The following NAALADL2 variants were observed in gnomAD, a reference collection of about 807,000 sequenced individuals.
NAALADL2 encodes N-acetylated alpha-linked acidic dipeptidase like 2.
Under a neutral mutation model 87.2 loss-of-function variants are expected in NAALADL2, and 76 were observed. The observed-to-expected ratio is 0.87, with a 90% CI of 0.72 to 1.05. NAALADL2 has a LOEUF of 1.05. Among genes scored for constraint, NAALADL2 ranks in the 50% least tolerant of loss-of-function variants. The pLI, the probability that NAALADL2 is intolerant of heterozygous loss-of-function variation, is 0.00. For synonymous variants in NAALADL2, 354 were observed against 331.0 expected, an observed-to-expected ratio of 1.07 and a Z score of -0.75; for missense variants, 1,089 against 945.8, an observed-to-expected ratio of 1.15 and a Z score of -1.99.
rs546579294 is a variant in NAALADL2 at position 175,436,074 on chromosome 3, C to T, written c.1091-11155C>T. ...GTCCATGTGATCTCATTGTTCAATT[C>T]CCACCTATGAGTGAGAATATGCGGT... is the stretch of plus-strand genomic sequence containing the variant. On this transcript the variant is annotated intron_variant, in intron 5 of 13. Transcript: ENST00000454872. 5.7e-5 allele frequency among the ~76,000 whole-genome samples: 8 copies of T among 140,318 alleles called. No individual in the cohort carries two copies. The South Asian group carries it at 1.6e-3, about 29-fold the overall frequency. The allele number at this position is 140,318 out of a possible 152,430, so 92.1% of individuals were successfully genotyped here. A position where few individuals can be genotyped will look rare whatever the true frequency, so the allele number is the denominator to read the frequency against.
At chr3:174,568,087 C>A (rs1236017408) in intron 2 of NAALADL2, among the ~76,000 whole-genome samples, 1 of 151,600 alleles carries the variant, frequency 6.6e-6, no homozygotes, top group Non-Finnish European at 1.5e-5. Context: ...GTATTCATGT[C>A]GTTTGTGAGC....
intron 1 of NAALADL2, chr3:175,059,636 T>C: frequency 2.8e-6 from 1 of 363,102 alleles, no homozygotes; most frequent in South Asian, 2.6e-5. Context: ...TGCATGTTTT[T>C]TGGCTTTCTT....
At chr3:175,079,404 T>C (rs1211053909) in intron 1 of NAALADL2, 1 of 152,244 alleles carries the variant, frequency 6.6e-6, no homozygotes, top group East Asian at 1.9e-4. Context: ...TTATGTTCTC[T>C]GAAGCACAAA....
chr3:174,692,667 G>C (rs1458249976), intron 2 of NAALADL2, among the ~76,000 whole-genome samples: 1 of 151,896 alleles, frequency 6.6e-6, no homozygotes, highest in Non-Finnish European at 1.5e-5. Context: ...TCTATACTAG[G>C]ACAAATTACT....
At chr3:175,300,783 A>ATTTAT (rs202232185) in intron 4 of NAALADL2, among the ~76,000 whole-genome samples, 4 of 140,128 alleles carry the variant, frequency 2.9e-5, no homozygotes, top group Admixed American at 7.0e-5. Context: ...TTATTTATTT[A>ATTTAT]TTTATTTTAT....
chr3:174,577,835 T>G (rs1269059372), intron 2 of NAALADL2, among the ~76,000 whole-genome samples: 4 of 151,994 alleles, frequency 2.6e-5, no homozygotes, highest in African/African-American at 9.7e-5. Context: ...TGAAACTATC[T>G]GACAAGAACA....
At chr3:175,042,706 A>G (rs1264243974) in intron 1 of NAALADL2, among the ~76,000 whole-genome samples, 1 of 152,112 alleles carries the variant, frequency 6.6e-6, no homozygotes, top group African/African-American at 2.4e-5. Context: ...CCATATTTTC[A>G]TATATCTATT....
chr3:175,321,644 G>A (rs1759881483), intron 4 of NAALADL2, among the ~76,000 whole-genome samples: 1 of 82,902 alleles, frequency 1.2e-5, no homozygotes, highest in Admixed American at 1.4e-4. Flanking sequence ...CAAAGTCTCA[G>A]GATACAAAAT....
rs182941182 is a variant in NAALADL2 at position 175,763,876 on chromosome 3, G to C, written c.2189+8458G>C. Among the ~76,000 whole-genome samples, 333 of 152,140 alleles carry C rather than the reference G, an allele frequency of 2.2e-3. 1 individual carries two copies. Among genetic ancestry groups the C allele is most frequent in the Middle Eastern group, 6.8e-3 (2 of 294 alleles). On this transcript the variant is annotated intron_variant, in intron 13 of 13. Coordinates refer to ENST00000454872, the MANE Select transcript of NAALADL2 (RefSeq NM_207015.3). ...CTGCTGCATTACTGTGGTGAGATAGGTTTATAGGGAAATTTTACAAAAGGA... is the reference window on the plus strand; with the variant it reads ...CTGCTGCATTACTGTGGTGAGATAGCTTTATAGGGAAATTTTACAAAAGGA...
At chr3:174,468,207 A>G (rs1357060813) in intron 1 of NAALADL2, among the ~76,000 whole-genome samples, 57 of 152,276 alleles carry the variant, frequency 3.7e-4, no homozygotes, top group Non-Finnish European at 2.1e-4. Flanking sequence ...ACAATCTGGT[A>G]ACTGGATATT....
chr3:174,756,047 A>G (rs1712020778), intron 3 of NAALADL2, among the ~76,000 whole-genome samples: 1 of 152,200 alleles, frequency 6.6e-6, no homozygotes, highest in African/African-American at 2.4e-5. Context: ...AAACACACAC[A>G]TTACTATCAG....
intron 11 of NAALADL2, among the ~76,000 whole-genome samples, chr3:175,672,904 T>G (rs1218439379): frequency 6.6e-6 from 1 of 152,158 alleles, no homozygotes; most frequent in African/African-American, 2.4e-5. Context: ...GCTTTTTTGT[T>G]TATAGATTGC....
At chr3:175,590,580 A>G (rs1721290978) in intron 10 of NAALADL2, among the ~76,000 whole-genome samples, 1 of 152,154 alleles carries the variant, frequency 6.6e-6, no homozygotes, top group South Asian at 2.1e-4. Context: ...ATCTATCTGC[A>G]GATCAACATG....
chr3:174,899,082 C>G (rs1242819170), intron 1 of NAALADL2, among the ~76,000 whole-genome samples: 1 of 152,104 alleles, frequency 6.6e-6, no homozygotes, highest in Non-Finnish European at 1.5e-5. Context: ...GAAGTGAAAA[C>G]AGTTTACAAA....
chr3:174,600,694 C>T (rs1718361646), intron 2 of NAALADL2, among the ~76,000 whole-genome samples: 1 of 152,018 alleles, frequency 6.6e-6, no homozygotes, highest in Non-Finnish European at 1.5e-5. Flanking sequence ...CTGGGGAGTC[C>T]TCAATAAATT....
intron 4 of NAALADL2, among the ~76,000 whole-genome samples, chr3:175,292,308 T>C (rs1755732497): frequency 6.6e-6 from 1 of 152,190 alleles, no homozygotes; most frequent in African/African-American, 2.4e-5. Flanking sequence ...GCCTAAAGTC[T>C]TCGAGGACTA....
intron 2 of NAALADL2, among the ~76,000 whole-genome samples, chr3:175,099,939 A>G (rs1193820968): frequency 2.6e-5 from 4 of 151,690 alleles, no homozygotes; most frequent in Non-Finnish European, 5.9e-5. Flanking sequence ...TAATTCATCA[A>G]TTATATTATG....
chr3:175,720,644 C>T (rs1484951438), intron 11 of NAALADL2, among the ~76,000 whole-genome samples: 1 of 151,462 alleles, frequency 6.6e-6, no homozygotes, highest in African/African-American at 2.4e-5. Flanking sequence ...AAAATAAACC[C>T]ACATCTAAAA....
chr3:174,898,609 G>A (rs1731912249), intron 1 of NAALADL2, among the ~76,000 whole-genome samples: 1 of 151,688 alleles, frequency 6.6e-6, no homozygotes, highest in African/African-American at 2.4e-5. Context: ...GTACATATCA[G>A]GTACTGCATA....
Sources: gnomAD v4.1 joint callset for allele counts (sites outside exome capture counted in the v4.1 genomes callset) on GRCh38, gnomAD v4.1.1 for gene constraint, MANE v1.5 for transcripts, NCBI Gene and HGNC (gene_info 2026-07-23, HGNC 2026-07-21) for gene names.